The following TTC39A variants were observed in gnomAD, a reference collection of about 807,000 sequenced individuals.
TTC39A encodes tetratricopeptide repeat domain 39A.
TTC39A carries 46 observed loss-of-function variants against 82.3 expected under a neutral mutation model. That is an observed-to-expected ratio of 0.56 (90% CI 0.44 to 0.71). The LOEUF is 0.71. TTC39A is among the 30% of genes least tolerant of loss of function. The pLI, the probability that TTC39A is intolerant of heterozygous loss-of-function variation, is 0.00. For synonymous variants in TTC39A, 254 were observed against 275.2 expected (o/e 0.92, Z 0.76); for missense variants, 543 against 712.9 (o/e 0.76, Z 2.71).
chr1:51,290,702 G>T, intron 14 of TTC39A, 77 bp from the exon 15 acceptor site: 2 of 1,191,448 alleles, frequency 1.7e-6, no homozygotes, highest in Non-Finnish European at 2.4e-6. Context: ...AAAATGGGCA[G>T]TTCAGATCAG....
chr1:51,315,466 C>T (rs1407595941), intron 2 of TTC39A, among the ~76,000 whole-genome samples: 1 of 152,184 alleles, frequency 6.6e-6, no homozygotes, highest in East Asian at 1.9e-4. Flanking sequence ...CCTTCTTGGG[C>T]CCAGACCGGC....
intron 1 of TTC39A, among the ~76,000 whole-genome samples, chr1:51,342,543 C>T (rs993624527): frequency 1.3e-5 from 2 of 152,180 alleles, no homozygotes; most frequent in African/African-American, 4.8e-5. Flanking sequence ...ACATCCCCAT[C>T]CCCCCTGCCA....
At chr1:51,326,551 A>T (rs1022082763) in intron 1 of TTC39A, among the ~76,000 whole-genome samples, 4 of 152,140 alleles carry the variant, frequency 2.6e-5, no homozygotes, top group Non-Finnish European at 5.9e-5. Flanking sequence ...CAAAGAGATT[A>T]CCACTTCAAC....
intron 14 of TTC39A, among the ~76,000 whole-genome samples, 183 bp from the exon 15 acceptor site, chr1:51,290,808 A>G (rs1644182150): frequency 6.6e-6 from 1 of 152,202 alleles, no homozygotes; most frequent in South Asian, 2.1e-4. Context: ...GAGCCTTATC[A>G]TTGATTTCCT....
rs1327876653 is a variant in TTC39A at position 51,321,791 on chromosome 1, G to A, written c.76C>T (p.Gln26Ter). 6.2e-7 allele frequency: 1 copy of A among 1,613,854 alleles called. No homozygotes were observed. The highest frequency in any genetic ancestry group is 1.1e-5 in the South Asian group (1 of 91,044). ...AAGAGGTCCAGGGCGGTCATGCACT[G>A]GTCCAGGGCCTCATGGAGGCTGCTC... The part of the protein sequence containing the change: ...PESSLHEALD[Q>*]CMTALDLFLT... The change falls in exon 2 of 18, where the codon CAG (glutamine) becomes TAG (stop). Residue 26 changes from glutamine (Q) to a stop codon, truncating the protein, a stop_gained. Transcript: ENST00000680483. LOFTEE classifies it high-confidence loss of function. The surrounding 1 kb of genome is among the most constrained non-coding windows in gnomAD (Gnocchi z 4.6).
chr1:51,309,486 A>G (rs944350381), intron 5 of TTC39A, 161 bp from the exon 6 acceptor site: 12 of 1,452,358 alleles, frequency 8.3e-6, no homozygotes, highest in Non-Finnish European at 1.0e-5. Context: ...CTTTGGCCCA[A>G]CAAAACCTCT....
chr1:51,311,929 T>A (rs946010704), intron 4 of TTC39A, among the ~76,000 whole-genome samples, 190 bp downstream of exon 4: 16 of 152,230 alleles, frequency 1.1e-4, no homozygotes, highest in African/African-American at 3.9e-4. Flanking sequence ...TAAGTGGGTC[T>A]CACCTGCCCC....
chr1:51,307,628 G>A (rs900575457), intron 6 of TTC39A, among the ~76,000 whole-genome samples: 6 of 151,652 alleles, frequency 4.0e-5, no homozygotes, highest in African/African-American at 9.7e-5. Flanking sequence ...CCAGCCACTC[G>A]GGAGGCTGAG....
chr1:51,336,474 G>C (rs997696373), intron 1 of TTC39A, among the ~76,000 whole-genome samples: 1 of 152,112 alleles, frequency 6.6e-6, no homozygotes, highest in African/African-American at 2.4e-5. Context: ...CCTAAGTCTG[G>C]TCTCTAGGAG....
chr1:51,309,678 AT>A (rs1207161028), intron 5 of TTC39A, among the ~76,000 whole-genome samples: 1 of 151,980 alleles, frequency 6.6e-6, no homozygotes, highest in Admixed American at 6.5e-5. Context: ...TATTTATCAC[AT>A]TTATAAATGT....
chr1:51,290,401 T>G, intron 15 of TTC39A, 113 bp downstream of exon 15: 1 of 961,410 alleles, frequency 1.0e-6, no homozygotes, highest in Non-Finnish European at 1.6e-6. Flanking sequence ...TCTAGAGAGA[T>G]AAAGGAGAGT....
intron 2 of TTC39A, among the ~76,000 whole-genome samples, chr1:51,317,918 C>T (rs1394571162): frequency 2.6e-5 from 4 of 152,130 alleles, no homozygotes; most frequent in African/African-American, 4.8e-5. Flanking sequence ...TTTCCTTTGG[C>T]GATCCTGAGT....
At chr1:51,298,344 C>T (rs965328098) in intron 12 of TTC39A, 5 of 152,624 alleles carry the variant, frequency 3.3e-5, no homozygotes, top group Non-Finnish European at 7.3e-5. Flanking sequence ...AACAGCCACT[C>T]ATGTCCTCCA....
At chr1:51,326,826 G>A (rs1332720343) in intron 1 of TTC39A, among the ~76,000 whole-genome samples, 1 of 152,200 alleles carries the variant, frequency 6.6e-6, no homozygotes, top group African/African-American at 2.4e-5. Flanking sequence ...ACCTTGCCTG[G>A]CCCAGGTGAC....
intron 1 of TTC39A, chr1:51,325,794 A>ACC (rs1645691260): frequency 6.6e-6 from 1 of 152,080 alleles, no homozygotes; most frequent in Admixed American, 6.6e-5. Context: ...TTCTGCACAC[A>ACC]CCCCTCACCA....
chr1:51,306,130 G>A, intron 6 of TTC39A, 54 bp from the exon 7 acceptor site: 2 of 1,483,164 alleles, frequency 1.3e-6, no homozygotes, highest in Non-Finnish European at 1.9e-6. Context: ...GGGGGGTAGG[G>A]GCTGGGACCC....
chr1:51,324,978 G>A (rs1048643791), intron 1 of TTC39A, among the ~76,000 whole-genome samples: 3 of 152,008 alleles, frequency 2.0e-5, no homozygotes, highest in African/African-American at 7.2e-5. Flanking sequence ...CATCTGTCTG[G>A]GCATGGTGGC....
chr1:51,331,720 C>T (rs941949944), upstream of TTC39A: 6 of 985,272 alleles, frequency 6.1e-6, no homozygotes, highest in Non-Finnish European at 7.2e-6. Flanking sequence ...AAGAATCATC[C>T]CATCTCTAGG....
chr1:51,336,983 C>T (rs1053758693), intron 1 of TTC39A, among the ~76,000 whole-genome samples: 3 of 134,544 alleles, frequency 2.2e-5, no homozygotes, highest in South Asian at 4.2e-4. Context: ...CATAGTGAAA[C>T]CCCCGTCTCT....
Sources: allele counts gnomAD v4.1 joint callset (sites outside exome capture counted in the v4.1 genomes callset), GRCh38; gene constraint gnomAD v4.1.1; non-coding constraint Gnocchi (gnomAD v3.1); transcripts MANE v1.5; gene names NCBI Gene and HGNC (gene_info 2026-07-23, HGNC 2026-07-21).